DDRGK1: variants seen among roughly 807,000 people sequenced by gnomAD.
DDRGK1 encodes the protein DDRGK domain containing 1.
A neutral mutation model predicts 45.8 loss-of-function variants in DDRGK1; 38 were observed. The ratio of observed to expected loss-of-function variants is 0.83; its 90% CI spans 0.64 to 1.09. The LOEUF is 1.09. Ranked by LOEUF, DDRGK1 falls within the 50% of genes least tolerant of loss-of-function variation. The pLI, the probability that DDRGK1 is intolerant of heterozygous loss-of-function variation, is 0.00. For synonymous variants in DDRGK1, 171 were observed against 168.7 expected (o/e 1.01, Z -0.11); for missense variants, 403 against 419.9 (o/e 0.96, Z 0.35).
chr20:3,203,548 C>G (rs1369953136), intron 1 of DDRGK1, 132 bp from the exon 2 acceptor site: 1 of 1,272,142 alleles, frequency 7.9e-7, no homozygotes, highest in East Asian at 2.9e-5. Context: ...CCCGACTTCT[C>G]AGTCTGACTG....
chr20:3,196,125 T>C (rs1340606307), intron 4 of DDRGK1, among the ~76,000 whole-genome samples: 1 of 152,166 alleles, frequency 6.6e-6, no homozygotes, highest in Non-Finnish European at 1.5e-5. Flanking sequence ...CAACGGTCCA[T>C]GTGACACAGC....
At position 3,204,558 on chromosome 20, in the gene DDRGK1, T is replaced by G. The variant is rs745989131; in HGVS notation, c.70A>C (p.Ser24Arg). 6.3e-7 allele frequency: 1 copy of G among 1,575,144 alleles called. No homozygotes were observed. The highest frequency in any genetic ancestry group is 1.1e-5 in the South Asian group (1 of 87,228). The change falls in exon 1 of 9, where the codon AGC becomes CGC. Residue 24 changes from serine to arginine, a missense_variant. Ser to Arg is a moderately radical substitution (Grantham distance 110, BLOSUM62 -1). Transcript: ENST00000354488. ...CTACCTGATGCCGCCCGGCCCCGGC[T>G]GCGAGTCAGGAAGAGGATAAAGCCG... ...LVGFILFLTR[S>R]RGRAASAGQE...
chr20:3,193,928 T>A (rs1322564638), intron 6 of DDRGK1, among the ~76,000 whole-genome samples: 1 of 151,960 alleles, frequency 6.6e-6, no homozygotes, highest in Non-Finnish European at 1.5e-5. Context: ...GTGTGAGAAA[T>A]AACCTGCCCG....
At chr20:3,202,811 T>C (rs73076870) in intron 2 of DDRGK1, among the ~76,000 whole-genome samples, 18,291 of 152,166 alleles carry the variant, frequency 0.12, 1,422 homozygotes, top group Non-Finnish European at 0.17. Context: ...CAACAGAATG[T>C]CTCTATCTTT....
Position 3,191,191 on chromosome 20 carries a change from TG to T in DDRGK1, c.776del (p.Thr259LysfsTer3), listed in dbSNP as rs1418300893. The T allele has an allele frequency of 1.2e-6, 2 of 1,614,070 alleles. No individual in the cohort carries two copies. Among genetic ancestry groups the T allele is most frequent in the Non-Finnish European group, 1.7e-6 (2 of 1,180,036 alleles). ...IQDLLAEGTITGVIDDRGKFI... is the reference protein window; with the variant it reads ...IQDLLAEGTIXGVIDDRGKFI... ...AGTGATTGGCTCTCATCATCTCACCTGTTATAGTCCCCTCAGCCAGCAGGTC... is the reference window on the plus strand; with the variant it reads ...AGTGATTGGCTCTCATCATCTCACCTTTATAGTCCCCTCAGCCAGCAGGTC... On this transcript the variant is annotated frameshift_variant and splice_region_variant, in exon 8 of 9. Coordinates refer to ENST00000354488, the MANE Select transcript of DDRGK1 (RefSeq NM_023935.3). LOFTEE classifies it high-confidence loss of function.
chr20:3,190,797 C>T lies in DDRGK1; in HGVS notation c.801G>A (p.Lys267=). The change falls in exon 9 of 9, where the codon AAG becomes AAA. Residue 267 remains lysine, a synonymous_variant. Transcript: ENST00000354488. ...GTTCCTCTGGGGTTATGTAGATGAA[C>T]TTGCCCCGGTCGTCAATCACACCTG... ...TITGVIDDRG[K]FIYITPEELA... 1.2e-6 allele frequency: 2 copies of T among 1,613,392 alleles called. No individual in the cohort carries two copies. Among genetic ancestry groups the T allele is most frequent in the Non-Finnish European group, 1.7e-6 (2 of 1,179,750 alleles).
chr20:3,203,663 A>T (rs8115151), intron 1 of DDRGK1, among the ~76,000 whole-genome samples: 1 of 152,036 alleles, frequency 6.6e-6, no homozygotes, highest in Non-Finnish European at 1.5e-5. Context: ...CCACCTTTCC[A>T]GCTGGCCTGT....
chr20:3,191,797 C>G lies in DDRGK1; in HGVS notation c.697G>C (p.Asp233His). 6.2e-7 allele frequency: 1 copy of G among 1,608,432 alleles called. No individual in the cohort carries two copies. ...CGTAGGCCCACCTGGGAAGCCAGGT[C>G]TTCCAAGAGCACAACCTTGGACTGC... ...IKQSKVVLLE[D>H]LASQVGLRTQ... is the part of the protein sequence containing the mutation. Residue 233 changes from aspartate to histidine, a missense_variant, in exon 7 of 9, where the codon GAC (aspartate) becomes CAC (histidine). Coordinates refer to ENST00000354488, the MANE Select transcript of DDRGK1 (RefSeq NM_023935.3).
At chr20:3,194,889 G>C (rs569517288) in intron 5 of DDRGK1, 21 bp from the exon 6 acceptor site, 2 of 1,613,214 alleles carry the variant, frequency 1.2e-6, no homozygotes, top group East Asian at 4.5e-5. Flanking sequence ...AGAGAAATCA[G>C]GGTGAGCACC....
intron 4 of DDRGK1, among the ~76,000 whole-genome samples, chr20:3,198,959 C>T (rs973442957): frequency 4.5e-5 from 6 of 132,746 alleles, no homozygotes; most frequent in East Asian, 2.2e-4. Flanking sequence ...CTGGGAAACA[C>T]GGTGAAACCC....
At position 3,191,940 on chromosome 20, in the gene DDRGK1, T is replaced by TAC. The variant is rs2066991093; in HGVS notation, c.673-121_673-120dup. ...GTTCTCGGTGGCTGGAAAAACACTG[T>TAC]ACACACTCCTGTAGGACAGCCTTGC... On this transcript the variant is annotated intron_variant, in intron 6 of 8. Transcript: ENST00000354488. The TAC allele has an allele frequency of 1.7e-5, 14 of 835,726 alleles. No individual in the cohort carries two copies. In the East Asian group the frequency reaches 3.8e-4, roughly 23 times the overall value. 51.8% of individuals were successfully genotyped at this position (835,726 alleles called of 1,614,324 possible).
intron 4 of DDRGK1, among the ~76,000 whole-genome samples, chr20:3,199,667 T>G (rs1451838373): frequency 6.6e-6 from 1 of 152,188 alleles, no homozygotes; most frequent in Non-Finnish European, 1.5e-5. Context: ...TTCCTCAGCC[T>G]CAAGGCCTTC....
At chr20:3,204,464 C>T in intron 1 of DDRGK1, 73 bp downstream of exon 1, 2 of 1,449,092 alleles carry the variant, frequency 1.4e-6, no homozygotes, top group Non-Finnish European at 1.9e-6. Context: ...GGAGCCGCGG[C>T]GCGACGGTCC....
At chr20:3,196,550 G>C (rs1004986821) in intron 4 of DDRGK1, among the ~76,000 whole-genome samples, 5 of 146,548 alleles carry the variant, frequency 3.4e-5, no homozygotes, top group Non-Finnish European at 7.6e-5. Flanking sequence ...GCGTGGTGGT[G>C]GGCGCCTGTA....
chr20:3,199,180 A>G (rs2067025163), intron 4 of DDRGK1, among the ~76,000 whole-genome samples: 1 of 152,132 alleles, frequency 6.6e-6, no homozygotes, highest in South Asian at 2.1e-4. Context: ...AAAAATCTGA[A>G]TAATGTTAGA....
At chr20:3,194,693 C>A (rs771419769) in intron 6 of DDRGK1, 137 bp downstream of exon 6, 27 of 1,140,016 alleles carry the variant, frequency 2.4e-5, no homozygotes, top group Non-Finnish European at 3.3e-5. Flanking sequence ...CAGGACCCTG[C>A]GGCTCTGCCC....
chr20:3,201,235 G>T (rs999244188), intron 2 of DDRGK1, among the ~76,000 whole-genome samples: 2 of 147,542 alleles, frequency 1.4e-5, no homozygotes, highest in African/African-American at 2.6e-5. Context: ...AGTGAGCGGA[G>T]ATCGCGCCAC....
At chr20:3,201,356 C>G (rs145778765) in intron 2 of DDRGK1, among the ~76,000 whole-genome samples, 1 of 147,436 alleles carries the variant, frequency 6.8e-6, no homozygotes, top group African/African-American at 2.5e-5. Context: ...CTACTAGGGA[C>G]GCTGAAGCAG....
intron 4 of DDRGK1, among the ~76,000 whole-genome samples, chr20:3,197,677 C>CCTGAAGCCCCT (rs2067017475): frequency 1.3e-5 from 2 of 152,122 alleles, no homozygotes; most frequent in African/African-American, 4.8e-5. Context: ...CACATGTAAT[C>CCTGAAGCCCCT]CCAGCACTTT....
Sources: gnomAD v4.1 joint callset for allele counts (sites outside exome capture counted in the v4.1 genomes callset) on GRCh38, gnomAD v4.1.1 for gene constraint, MANE v1.5 for transcripts, NCBI Gene and HGNC (gene_info 2026-07-23, HGNC 2026-07-21) for gene names.